The following EXOC4 variants were observed in gnomAD, a reference collection of about 807,000 sequenced individuals.
EXOC4 encodes the protein SEC8-like 1.
EXOC4 carries 71 observed loss-of-function variants against 107.2 expected under a neutral mutation model. That is an observed-to-expected ratio of 0.66 (90% CI 0.55 to 0.81). The LOEUF (loss-of-function observed/expected upper bound fraction) is 0.81. EXOC4 is among the 30% of genes least tolerant of loss of function. EXOC4 has a pLI of 0.00. For missense variants in EXOC4, 1,108 were observed against 1,189.6 expected (o/e 0.93, Z 1.01); for synonymous variants, 456 against 441.2 (o/e 1.03, Z -0.42).
intron 5 of EXOC4, among the ~76,000 whole-genome samples, chr7:133,341,935 G>A (rs1795670287): frequency 6.6e-6 from 1 of 152,100 alleles, no homozygotes; most frequent in African/African-American, 2.4e-5. Context: ...TTATGTGTCA[G>A]GTGAGTCTCT....
chr7:133,357,087 A>T (rs953089685), intron 6 of EXOC4, among the ~76,000 whole-genome samples: 1 of 152,272 alleles, frequency 6.6e-6, no homozygotes, highest in African/African-American at 2.4e-5. Context: ...AATTCAAAGC[A>T]TATTGTCACT....
chr7:133,824,786 C>A (rs1797659657), intron 11 of EXOC4, among the ~76,000 whole-genome samples: 2 of 152,076 alleles, frequency 1.3e-5, no homozygotes. Context: ...CGTAACGTGG[C>A]GTTCTCCCGT....
At chr7:133,730,945 A>C (rs950131954) in intron 10 of EXOC4, among the ~76,000 whole-genome samples, 3 of 152,184 alleles carry the variant, frequency 2.0e-5, no homozygotes, top group Non-Finnish European at 4.4e-5. Flanking sequence ...TGACTTCACA[A>C]GATTCACTTG....
intron 10 of EXOC4, among the ~76,000 whole-genome samples, chr7:133,815,528 G>A (rs1797348227): frequency 1.3e-5 from 2 of 152,132 alleles, no homozygotes; most frequent in Admixed American, 1.3e-4. Flanking sequence ...ATCTTATCAA[G>A]AGTAGTATAG....
chr7:133,863,809 C>T (rs117359401), intron 11 of EXOC4, among the ~76,000 whole-genome samples: 4,647 of 152,278 alleles, frequency 0.031, 142 homozygotes, highest in Non-Finnish European at 0.039. Flanking sequence ...TGCAGCTCTG[C>T]ACTGGTGACT....
chr7:133,960,562 A>G (rs913067097), intron 14 of EXOC4, among the ~76,000 whole-genome samples: 1 of 152,242 alleles, frequency 6.6e-6, no homozygotes, highest in African/African-American at 2.4e-5. Context: ...TAAATGTGAT[A>G]CACCACATAA....
At chr7:133,716,270 C>T (rs1421864189) in intron 10 of EXOC4, among the ~76,000 whole-genome samples, 1 of 152,186 alleles carries the variant, frequency 6.6e-6, no homozygotes, top group Non-Finnish European at 1.5e-5. Context: ...ACATGGGACT[C>T]TGTCTTTAAG....
intron 9 of EXOC4, among the ~76,000 whole-genome samples, chr7:133,613,526 A>T (rs1350309072): frequency 6.6e-6 from 1 of 152,136 alleles, no homozygotes; most frequent in African/African-American, 2.4e-5. Flanking sequence ...AGCTTTGAAT[A>T]ACTCCATGGA....
At chr7:133,311,393 G>C (rs1794867945) in intron 4 of EXOC4, among the ~76,000 whole-genome samples, 1 of 152,124 alleles carries the variant, frequency 6.6e-6, no homozygotes, top group South Asian at 2.1e-4. Context: ...TTGAGAAATA[G>C]ACCCCAGGAT....
intron 10 of EXOC4, among the ~76,000 whole-genome samples, chr7:133,767,094 T>A (rs1336407890): frequency 6.6e-6 from 1 of 151,944 alleles, no homozygotes; most frequent in African/African-American, 2.4e-5. Flanking sequence ...TTTCAGAGAG[T>A]TTGACTCTTA....
chr7:133,727,010 C>T (rs1002599538), intron 10 of EXOC4, among the ~76,000 whole-genome samples: 5 of 152,118 alleles, frequency 3.3e-5, no homozygotes, highest in South Asian at 2.1e-4. Context: ...ACAAATAAGG[C>T]GTCATGGAAT....
rs1798095926 is a variant in EXOC4 at position 133,845,018 on chromosome 7, CTTAACATTGAAATTTGT to C, written c.1734+27475_1734+27491del. Among the ~76,000 whole-genome samples, 3 of 152,222 alleles carry C rather than the reference CTTAACATTGAAATTTGT, an allele frequency of 2.0e-5. No homozygotes were observed. The South Asian group carries it at 6.2e-4, about 32-fold the overall frequency. On this transcript the variant is annotated intron_variant, in intron 11 of 17. Coordinates refer to ENST00000253861, the MANE Select transcript of EXOC4 (RefSeq NM_021807.4). ...CGAGCCTGAAAATCCAAAGTTGTAT[CTTAACATTGAAATTTGT>C]ATGTATAAGTAGACTCTACATCCTG...
At chr7:133,967,154 G>C (rs1024058027) in intron 14 of EXOC4, among the ~76,000 whole-genome samples, 2 of 152,134 alleles carry the variant, frequency 1.3e-5, no homozygotes, top group African/African-American at 4.8e-5. Flanking sequence ...TTGTATTTCT[G>C]TGGGATCAGT....
chr7:133,804,909 A>T (rs1797037526), intron 10 of EXOC4, among the ~76,000 whole-genome samples: 1 of 152,160 alleles, frequency 6.6e-6, no homozygotes, highest in Non-Finnish European at 1.5e-5. Context: ...CCTAAAACAT[A>T]GCCTTAAAAT....
chr7:133,255,165 G>GCTTTTCTTTT (rs147807041), intron 1 of EXOC4, among the ~76,000 whole-genome samples: 1 of 117,078 alleles, frequency 8.5e-6, no homozygotes, highest in South Asian at 3.0e-4. Flanking sequence ...GCATTATATT[G>GCTTTTCTTTT]CTTTTCTTTT....
intron 11 of EXOC4, among the ~76,000 whole-genome samples, chr7:133,844,076 TGAG>T: frequency 6.6e-6 from 1 of 152,316 alleles, no homozygotes; most frequent in East Asian, 1.9e-4. Flanking sequence ...AGTATTTTGT[TGAG>T]GACCTTGGCA....
chr7:133,336,879 A>G, intron 5 of EXOC4, among the ~76,000 whole-genome samples: 1 of 151,940 alleles, frequency 6.6e-6, no homozygotes. Flanking sequence ...GACTACAGGC[A>G]CACGCCACCA....
chr7:133,911,046 G>T (rs946801502), intron 12 of EXOC4, among the ~76,000 whole-genome samples: 3 of 152,140 alleles, frequency 2.0e-5, no homozygotes, highest in African/African-American at 7.2e-5. Context: ...GCTGTATCTC[G>T]AGGGTGGACC....
At chr7:133,729,012 T>A (rs1795272467) in intron 10 of EXOC4, among the ~76,000 whole-genome samples, 1 of 152,168 alleles carries the variant, frequency 6.6e-6, no homozygotes, top group Non-Finnish European at 1.5e-5. Context: ...AGCCTTTGGG[T>A]TTCTATGGAA....
Sources: gnomAD v4.1 joint callset for allele counts (sites outside exome capture counted in the v4.1 genomes callset) on GRCh38, gnomAD v4.1.1 for gene constraint, MANE v1.5 for transcripts, NCBI Gene and HGNC (gene_info 2026-07-23, HGNC 2026-07-21) for gene names.